The following STX17 variants were observed in gnomAD, a reference collection of about 807,000 sequenced individuals.
STX17 encodes the protein syntaxin-17.
A neutral mutation model predicts 35.9 loss-of-function variants in STX17; 29 were observed. The observed-to-expected ratio is 0.81, with a 90% CI of 0.60 to 1.10. The LOEUF is 1.10. STX17 is among the 50% of genes least tolerant of loss of function. The pLI is 0.00. For synonymous variants in STX17, 92 were observed against 118.3 expected, an observed-to-expected ratio of 0.78 and a Z score of 1.44; for missense variants, 312 against 352.3, an observed-to-expected ratio of 0.89 and a Z score of 0.92.
chr9:99,918,720 C>A (rs920534420), intron 2 of STX17, among the ~76,000 whole-genome samples: 4 of 151,960 alleles, frequency 2.6e-5, no homozygotes, highest in Non-Finnish European at 5.9e-5. Flanking sequence ...GGGGGCTTTG[C>A]TGTCTGGAGG....
intron 3 of STX17, among the ~76,000 whole-genome samples, chr9:99,938,834 G>A (rs1210665744): frequency 7.0e-6 from 1 of 143,664 alleles, no homozygotes; most frequent in East Asian, 2.0e-4. Context: ...TGATAAGAGG[G>A]AGGGAGGGAA....
chr9:99,909,814 T>A (rs1828623667), intron 1 of STX17, among the ~76,000 whole-genome samples: 1 of 152,162 alleles, frequency 6.6e-6, no homozygotes, highest in Non-Finnish European at 1.5e-5. Flanking sequence ...ATGCTTGAGG[T>A]GATGGATACC....
chr9:99,954,418 A>G (rs1829668124), intron 4 of STX17, among the ~76,000 whole-genome samples: 1 of 152,018 alleles, frequency 6.6e-6, no homozygotes, highest in Non-Finnish European at 1.5e-5. Context: ...TTTCTGCTAT[A>G]TTGCCTCAAG....
At chr9:99,946,317 G>T (rs918328853) in intron 3 of STX17, among the ~76,000 whole-genome samples, 2 of 152,074 alleles carry the variant, frequency 1.3e-5, no homozygotes, top group African/African-American at 4.8e-5. Flanking sequence ...TTGGGTATTT[G>T]CAGGGAGTCC....
chr9:99,950,871 G>A (rs1331892803), intron 3 of STX17, among the ~76,000 whole-genome samples, 189 bp from the exon 4 acceptor site: 5 of 151,940 alleles, frequency 3.3e-5, no homozygotes, highest in Admixed American at 3.3e-4. Flanking sequence ...CAAAGTATGA[G>A]CATGTGGGTT....
At chr9:99,916,543 A>G (rs1274249139) in intron 2 of STX17, among the ~76,000 whole-genome samples, 1 of 152,074 alleles carries the variant, frequency 6.6e-6, no homozygotes, top group Non-Finnish European at 1.5e-5. Flanking sequence ...ACTCAGTAGC[A>G]TATAGAAGTC....
At chr9:99,945,880 G>A (rs528828257) in intron 3 of STX17, 4 of 192,794 alleles carry the variant, frequency 2.1e-5, no homozygotes, top group African/African-American at 4.8e-5. Flanking sequence ...TCAGGAGTTC[G>A]AGACCAACCT....
At chr9:99,959,386 CA>C (rs1352288278) in intron 4 of STX17, among the ~76,000 whole-genome samples, 3 of 104,440 alleles carry the variant, frequency 2.9e-5, no homozygotes, top group South Asian at 3.4e-4. Context: ...CAATTAAAAA[CA>C]AAAAAAAAAA....
At chr9:99,909,083 T>A (rs529764805) in intron 1 of STX17, among the ~76,000 whole-genome samples, 8 of 152,376 alleles carry the variant, frequency 5.3e-5, no homozygotes, top group Non-Finnish European at 1.2e-4. Flanking sequence ...TTTCAGGATT[T>A]CTGACCTATG....
At chr9:99,943,415 C>T (rs1829408333) in intron 3 of STX17, among the ~76,000 whole-genome samples, 1 of 152,226 alleles carries the variant, frequency 6.6e-6, no homozygotes, top group Non-Finnish European at 1.5e-5. Flanking sequence ...TCAAGCGATT[C>T]TCCTGCCTCA....
intron 3 of STX17, among the ~76,000 whole-genome samples, chr9:99,949,699 G>A (rs1294486042): frequency 6.6e-6 from 1 of 151,864 alleles, no homozygotes; most frequent in African/African-American, 2.4e-5. Flanking sequence ...AAACACTTTA[G>A]GGGAAAATAA....
intron 3 of STX17, among the ~76,000 whole-genome samples, chr9:99,941,486 G>A (rs1053846500): frequency 1.3e-5 from 2 of 151,910 alleles, no homozygotes; most frequent in African/African-American, 2.4e-5. Flanking sequence ...TATAATTTAC[G>A]TATTCTAAAA....
intron 3 of STX17, among the ~76,000 whole-genome samples, chr9:99,937,063 A>G (rs762037567): frequency 2.0e-5 from 3 of 152,116 alleles, no homozygotes; most frequent in Non-Finnish European, 2.9e-5. Context: ...TTTTTCTTTC[A>G]GTACTTTAAA....
At chr9:99,959,397 A>AT (rs1240810998) in intron 4 of STX17, among the ~76,000 whole-genome samples, 1 of 148,650 alleles carries the variant, frequency 6.7e-6, no homozygotes, top group Non-Finnish European at 1.5e-5. Flanking sequence ...AAAAAAAAAA[A>AT]TTTTAGAAAA....
At chr9:99,929,873 T>G (rs997022541) in intron 3 of STX17, 2 of 151,396 alleles carry the variant, frequency 1.3e-5, no homozygotes, top group African/African-American at 4.8e-5. Context: ...GCTCCATATC[T>G]CTGTCACATG....
intron 4 of STX17, among the ~76,000 whole-genome samples, chr9:99,955,853 A>C (rs1001803821): frequency 6.6e-6 from 1 of 152,042 alleles, no homozygotes; most frequent in Non-Finnish European, 1.5e-5. Context: ...AAACAGTTAC[A>C]ATTTTTTACT....
intron 2 of STX17, among the ~76,000 whole-genome samples, chr9:99,928,530 C>T (rs994358899): frequency 6.6e-6 from 1 of 152,020 alleles, no homozygotes; most frequent in African/African-American, 2.4e-5. Context: ...TACTCTTTTT[C>T]AGTAAAATAA....
rs79583634 is a variant in STX17 at position 99,921,582 on chromosome 9, C to G, written c.123+6220C>G. Among the ~76,000 whole-genome samples, 6 of 149,910 alleles carry G rather than the reference C, an allele frequency of 4.0e-5. No homozygotes were observed. In the East Asian group the frequency reaches 1.2e-3, roughly 29 times the overall value. ...GCCAGAGCACACTGGTATACTGTCA[C>G]CATTTCCACACGCTCTCCCAAACCA... is the stretch of plus-strand genomic sequence containing the variant. On this transcript the variant is annotated intron_variant, in intron 2 of 7. Transcript: ENST00000259400.
At chr9:99,958,106 C>T (rs958343637) in intron 4 of STX17, among the ~76,000 whole-genome samples, 1 of 152,074 alleles carries the variant, frequency 6.6e-6, no homozygotes, top group African/African-American at 2.4e-5. Context: ...AGTAGATTTC[C>T]AGCCTTAGAC....
Sources: gnomAD v4.1 joint callset for allele counts (sites outside exome capture counted in the v4.1 genomes callset) on GRCh38, gnomAD v4.1.1 for gene constraint, MANE v1.5 for transcripts, NCBI Gene and HGNC (gene_info 2026-07-23, HGNC 2026-07-21) for gene names.